Variants in PPHLN1 observed in about 807,000 individuals in gnomAD.
PPHLN1 encodes the protein periphilin 1, also known as periphilin-1.
PPHLN1 carries 29 observed loss-of-function variants against 51.3 expected under a neutral mutation model. The ratio of observed to expected loss-of-function variants is 0.57; its 90% confidence interval spans 0.42 to 0.77. The LOEUF (loss-of-function observed/expected upper bound fraction) is 0.77, where lower values mean the gene tolerates loss of function less well. Among genes scored for constraint, PPHLN1 ranks in the 30% least tolerant of loss-of-function variants. The pLI is 0.00. For missense variants in PPHLN1, 436 were observed against 438.4 expected (o/e 0.99, Z 0.05); for synonymous variants, 147 against 147.8 (o/e 0.99, Z 0.04).
At chr12:42,413,826 G>C (rs1298231374) in intron 9 of PPHLN1, among the ~76,000 whole-genome samples, 1 of 152,004 alleles carries the variant, frequency 6.6e-6, no homozygotes, top group East Asian at 1.9e-4. Context: ...GCCTCCCAAA[G>C]TGCTGGGATT....
intron 9 of PPHLN1, among the ~76,000 whole-genome samples, chr12:42,434,746 T>G (rs1248859007): frequency 6.6e-6 from 1 of 152,190 alleles, no homozygotes; most frequent in African/African-American, 2.4e-5. Flanking sequence ...TGGGCTGGAG[T>G]GCAACGGCGC....
In PPHLN1 at chr12:42,379,929, T is replaced by A. The variant is rs1429631107; in HGVS notation, c.511+4855T>A. On this transcript the variant is annotated intron_variant, in intron 5 of 9. Transcript: ENST00000358314. ...GGCCAACTGTAGAAACCTCTAGAGA[T>A]CTGTTAACCTGAACCTTTTATCAGC... Among the ~76,000 whole-genome samples, 3 of 152,180 alleles carry A rather than the reference T, an allele frequency of 2.0e-5. No individual in the cohort carries two copies. In the South Asian group the frequency reaches 6.2e-4, roughly 31 times the overall value.
intron 9 of PPHLN1, among the ~76,000 whole-genome samples, chr12:42,410,625 A>G (rs1490725645): frequency 6.6e-6 from 1 of 152,254 alleles, no homozygotes; most frequent in African/African-American, 2.4e-5. Flanking sequence ...GTCATTTGCT[A>G]ATTCCAGCTA....
At chr12:42,389,233 C>T (rs915620848) in intron 7 of PPHLN1, among the ~76,000 whole-genome samples, 6 of 151,818 alleles carry the variant, frequency 4.0e-5, no homozygotes, top group East Asian at 1.9e-4. Flanking sequence ...ATTAGCTGGC[C>T]GTGGTGGCAG....
downstream of PPHLN1, chr12:42,446,669 A>G (rs369279946): frequency 2.7e-5 from 43 of 1,573,780 alleles, no homozygotes; most frequent in African/African-American, 5.5e-4. Flanking sequence ...TCGTCAATCA[A>G]CAAAACCTGA....
chr12:42,406,307 C>T (rs1319791338), intron 9 of PPHLN1, among the ~76,000 whole-genome samples: 2 of 152,100 alleles, frequency 1.3e-5, no homozygotes, highest in African/African-American at 4.8e-5. Flanking sequence ...GTCTCGATCT[C>T]CTGACCTCGT....
intron 9 of PPHLN1, among the ~76,000 whole-genome samples, chr12:42,419,746 A>G (rs1485155664): frequency 6.6e-6 from 1 of 152,206 alleles, no homozygotes; most frequent in Non-Finnish European, 1.5e-5. Flanking sequence ...TTTCCTTTCC[A>G]TGTGGCATAT....
intron 5 of PPHLN1, among the ~76,000 whole-genome samples, chr12:42,377,104 A>ATT (rs35068416): frequency 1.9e-4 from 28 of 147,882 alleles, no homozygotes; most frequent in African/African-American, 3.0e-4. Context: ...CTTTTTTGCG[A>ATT]TTTTTTTTTT....
intron 5 of PPHLN1, among the ~76,000 whole-genome samples, chr12:42,382,020 C>CT (rs1253483163): frequency 6.6e-6 from 1 of 152,028 alleles, no homozygotes; most frequent in Non-Finnish European, 1.5e-5. Flanking sequence ...CTGCAGTGTC[C>CT]TTTTTTTCCT....
At chr12:42,338,521 G>A (rs2071024951) in intron 2 of PPHLN1, among the ~76,000 whole-genome samples, 1 of 152,180 alleles carries the variant, frequency 6.6e-6, no homozygotes, top group South Asian at 2.1e-4. Flanking sequence ...GTGGTTGAGG[G>A]ACAGGAAAGG....
chr12:42,426,223 CACA>C (rs2081471745), intron 9 of PPHLN1, among the ~76,000 whole-genome samples: 1 of 128,792 alleles, frequency 7.8e-6, no homozygotes, highest in Non-Finnish European at 1.7e-5. Flanking sequence ...CACACACACA[CACA>C]CACCCTCATG....
intron 9 of PPHLN1, among the ~76,000 whole-genome samples, chr12:42,431,166 T>C (rs2082004898): frequency 6.6e-6 from 1 of 152,234 alleles, no homozygotes; most frequent in Non-Finnish European, 1.5e-5. Context: ...CTGCAGATTT[T>C]TCTCTATAAA....
chr12:42,337,952 T>A (rs980478323), intron 2 of PPHLN1, among the ~76,000 whole-genome samples: 2 of 151,758 alleles, frequency 1.3e-5, no homozygotes, highest in African/African-American at 4.8e-5. Context: ...CCTGGCTAAT[T>A]TTTATATTTT....
At chr12:42,399,152 C>G in intron 9 of PPHLN1, 158 bp downstream of exon 9, 2 of 1,408,088 alleles carry the variant, frequency 1.4e-6, no homozygotes, top group Non-Finnish European at 1.8e-6. Context: ...ACTTCACAGT[C>G]AGTTTGATCA....
At chr12:42,358,026 G>T (rs1312667002) in intron 4 of PPHLN1, among the ~76,000 whole-genome samples, 1 of 152,150 alleles carries the variant, frequency 6.6e-6, no homozygotes, top group Admixed American at 6.5e-5. Flanking sequence ...ATGGCCTGCA[G>T]TTCCATGCAT....
chr12:42,364,896 G>A lies in PPHLN1; in HGVS notation c.299+9674G>A, dbSNP rs368143940. Among the ~76,000 whole-genome samples, 39 of 152,314 alleles carry A rather than the reference G, an allele frequency of 2.6e-4. No individual in the cohort carries two copies. In the South Asian group the frequency reaches 6.8e-3, roughly 27 times the overall value. On this transcript the variant is annotated intron_variant, in intron 4 of 9. Coordinates refer to ENST00000358314, the MANE Select transcript of PPHLN1 (RefSeq NM_201439.2). ...CGTGCTGTTGCACCCCAGCGTGGGC[G>A]ACAGAGGGAGACTCCGCCTTAAAAA...
At chr12:42,399,431 T>C in intron 9 of PPHLN1, 1 of 930,182 alleles carries the variant, frequency 1.1e-6, no homozygotes, top group South Asian at 5.0e-5. Context: ...GTCTAGTTTT[T>C]TAGTGAAGTC....
downstream of PPHLN1, chr12:42,446,915 T>G (rs1426447232): frequency 5.7e-6 from 2 of 348,840 alleles, no homozygotes; most frequent in Admixed American, 4.2e-5. Context: ...CCGGAAATCA[T>G]GCAAGACTGC....
chr12:42,387,206 T>A, intron 6 of PPHLN1: 1 of 275,416 alleles, frequency 3.6e-6, no homozygotes, highest in Non-Finnish European at 6.7e-6. Context: ...GCTCCATGTT[T>A]ACTTACTAGC....
Sources: gnomAD v4.1 joint callset for allele counts (sites outside exome capture counted in the v4.1 genomes callset) on GRCh38, gnomAD v4.1.1 for gene constraint, MANE v1.5 for transcripts, NCBI Gene and HGNC (gene_info 2026-07-23, HGNC 2026-07-21) for gene names.